Variants in CCDC30 observed in about 807,000 individuals in gnomAD.
The protein encoded by CCDC30 is coiled-coil domain-containing protein 30.
Under a neutral mutation model 100.2 loss-of-function variants are expected in CCDC30, and 70 were observed. The ratio of observed to expected loss-of-function variants is 0.70; its 90% CI spans 0.58 to 0.85. CCDC30 has a LOEUF of 0.85. CCDC30 is among the 40% of genes least tolerant of loss of function. The pLI is 0.00. For synonymous variants in CCDC30, 233 were observed against 269.5 expected (o/e 0.86, Z 1.33); for missense variants, 652 against 771.2 (o/e 0.85, Z 1.83).
At chr1:42,543,131 G>A (rs544885573) in intron 6 of CCDC30, among the ~76,000 whole-genome samples, 48 of 151,576 alleles carry the variant, frequency 3.2e-4, no homozygotes, top group Admixed American at 5.9e-4. Context: ...CTGCCACCAC[G>A]CCCAGCTAAT....
In CCDC30 at chr1:42,500,413, TTC is replaced by T. The variant is rs1234428325; in HGVS notation, c.456+1503_456+1504del. On this transcript the variant is annotated intron_variant, in intron 6 of 16. Coordinates refer to ENST00000668663, the Ensembl canonical transcript of CCDC30. ...GGTCTGCGCAGTGGCCACCACCGAGTTCTCTCTTTTTTTTTTTTGAGACAGAG... is the reference window on the plus strand; with the variant it reads ...GGTCTGCGCAGTGGCCACCACCGAGTTCTCTTTTTTTTTTTTGAGACAGAG... 6.4e-6 allele frequency: 6 copies of T among 934,162 alleles called. No individual in the cohort carries two copies. In the African/African-American group the frequency reaches 6.8e-5, roughly 11 times the overall value. 57.9% of individuals were successfully genotyped at this position (934,162 alleles called of 1,614,324 possible).
chr1:42,496,485 TG>T (rs1644234672), intron 4 of CCDC30, among the ~76,000 whole-genome samples: 1 of 151,946 alleles, frequency 6.6e-6, no homozygotes, highest in South Asian at 2.1e-4. Context: ...TATAAATGTC[TG>T]AAAATATTTA....
At chr1:42,507,853 C>T (rs1451713539) in intron 6 of CCDC30, among the ~76,000 whole-genome samples, 1 of 151,896 alleles carries the variant, frequency 6.6e-6, no homozygotes, top group Non-Finnish European at 1.5e-5. Context: ...ATTTAGATCA[C>T]CTGTTTATAT....
chr1:42,582,059 CAAAAAAAAAAA>C (rs770972866), intron 9 of CCDC30, among the ~76,000 whole-genome samples: 4 of 99,094 alleles, frequency 4.0e-5, no homozygotes, highest in South Asian at 3.5e-4. Context: ...TTGTCTATAC[CAAAAAAAAAAA>C]AAAAAAAAAA....
At chr1:42,654,323 G>A (rs1005253056), downstream of CCDC30, 1 of 278,226 alleles carries the variant, frequency 3.6e-6, no homozygotes, top group Non-Finnish European at 6.7e-6. Flanking sequence ...CCATTATCAT[G>A]GGTATCTTTT....
rs749556796 is a variant in CCDC30, at chr1:42,637,233, A to G, written c.1278-4A>G. ...TGTGTCTAAACTCAAATTTACTTTT[A>G]TAGAAACTATAATGAGAAACATCAC... On this transcript the variant is annotated splice_region_variant and splice_polypyrimidine_tract_variant and intron_variant, in intron 11 of 16. Transcript: ENST00000668663. 2 of 1,578,672 alleles carry G rather than the reference A, an allele frequency of 1.3e-6. No homozygotes were observed. The highest frequency in any genetic ancestry group is 2.8e-5 in the African/African-American group (2 of 72,208).
At chr1:42,550,050 A>G (rs1342058425) in intron 6 of CCDC30, among the ~76,000 whole-genome samples, 1 of 152,106 alleles carries the variant, frequency 6.6e-6, no homozygotes, top group Non-Finnish European at 1.5e-5. Context: ...ATCCTCCTCC[A>G]AACTATTTCT....
intron 7 of CCDC30, among the ~76,000 whole-genome samples, chr1:42,568,726 T>G (rs1160314005): frequency 1.3e-5 from 2 of 151,538 alleles, no homozygotes; most frequent in Non-Finnish European, 2.9e-5. Context: ...GCTCACGAGT[T>G]TGAGACCAGC....
In CCDC30 at chr1:42,585,348, C is replaced by A. The variant is rs576150453; in HGVS notation, c.1001+3834C>A. On this transcript the variant is annotated intron_variant, in intron 9 of 16. Transcript: ENST00000668663. ...TTCCTGCATTCAAGTGATACTCCTG[C>A]CTCAGCCTCCCAAAGTGCTGGGATT... is the stretch of plus-strand genomic sequence containing the variant. Among the ~76,000 whole-genome samples the A allele has an allele frequency of 2.6e-4, 40 of 152,238 alleles. 1 individual carries two copies. In the South Asian group the frequency reaches 8.3e-3, roughly 32 times the overall value.
chr1:42,630,525 G>A (rs1293209822), intron 11 of CCDC30, among the ~76,000 whole-genome samples: 12 of 151,780 alleles, frequency 7.9e-5, no homozygotes, highest in South Asian at 2.1e-4. Context: ...TGGAATTATA[G>A]GTGCGTGCCA....
chr1:42,598,442 G>T (rs1228825916), intron 10 of CCDC30, among the ~76,000 whole-genome samples: 1 of 151,922 alleles, frequency 6.6e-6, no homozygotes, highest in African/African-American at 2.4e-5. Flanking sequence ...ACTGGGAGTG[G>T]GTTAAGGTGG....
intron 6 of CCDC30, among the ~76,000 whole-genome samples, chr1:42,560,929 ACCAGTAACAAGC>A (rs1360686035): frequency 1.3e-5 from 2 of 152,218 alleles, no homozygotes; most frequent in African/African-American, 4.8e-5. Flanking sequence ...CCCTGAATAG[ACCAGTAACAAGC>A]TCTGAAATTG....
rs915440554 is a variant in CCDC30 at position 42,507,462 on chromosome 1, T to G, written c.456+8546T>G. 4.3e-4 allele frequency among the ~76,000 whole-genome samples: 65 copies of G among 152,254 alleles called. 1 individual carries two copies. Among genetic ancestry groups the G allele is most frequent in the Admixed American group, 2.7e-3 (41 of 15,282 alleles). Reference sequence around the variant, plus strand: ...TTTTGCCAGATTAATTTTTATAATCTTTCCATAACTTGCTTAAACCTTCAG... The same window carrying G: ...TTTTGCCAGATTAATTTTTATAATCGTTCCATAACTTGCTTAAACCTTCAG... On this transcript the variant is annotated intron_variant, in intron 6 of 16. Transcript: ENST00000668663.
chr1:42,642,061 T>C (rs1557487808), intron 12 of CCDC30, among the ~76,000 whole-genome samples: 2 of 151,800 alleles, frequency 1.3e-5, no homozygotes, highest in East Asian at 1.9e-4. Flanking sequence ...CCATCTCTAC[T>C]AAAAATACAA....
intron 3 of CCDC30, among the ~76,000 whole-genome samples, chr1:42,489,227 G>A (rs1644098540): frequency 6.6e-6 from 1 of 152,186 alleles, no homozygotes; most frequent in African/African-American, 2.4e-5. Flanking sequence ...TACTAGTTGT[G>A]TAATGTTGAG....
intron 10 of CCDC30, among the ~76,000 whole-genome samples, chr1:42,607,405 G>A (rs566013076): frequency 2.0e-5 from 3 of 152,144 alleles, no homozygotes; most frequent in Admixed American, 6.6e-5. Context: ...GACAGCAGGT[G>A]AGTTCCCAGA....
chr1:42,563,232 A>G (rs1645531839), intron 6 of CCDC30, among the ~76,000 whole-genome samples: 1 of 152,240 alleles, frequency 6.6e-6, no homozygotes, highest in African/African-American at 2.4e-5. Flanking sequence ...AGATTGGATA[A>G]AGGAAATGTG....
At chr1:42,469,517 G>T (rs923040598) in intron 1 of CCDC30, among the ~76,000 whole-genome samples, 2 of 152,188 alleles carry the variant, frequency 1.3e-5, no homozygotes, top group Non-Finnish European at 2.9e-5. Flanking sequence ...CTAAAGGAAG[G>T]TTATTTCTTG....
chr1:42,577,248 A>T lies in CCDC30; in HGVS notation c.846+19A>T, dbSNP rs1285710561. 6.7e-7 allele frequency: 1 copy of T among 1,501,762 alleles called. No individual in the cohort carries two copies. 93.0% of individuals were successfully genotyped at this position (1,501,762 alleles called of 1,614,324 possible). On this transcript the variant is annotated intron_variant, in intron 8 of 16. Coordinates refer to ENST00000668663, the Ensembl canonical transcript of CCDC30. ...GGAAAAGGTAATTATCCTCATGCTT[A>T]ATAAACAGCATACACTGAATACCAC...
Sources: gnomAD v4.1 joint callset for allele counts (sites outside exome capture counted in the v4.1 genomes callset) on GRCh38, gnomAD v4.1.1 for gene constraint, MANE v1.5 for transcripts, NCBI Gene and HGNC (gene_info 2026-07-23, HGNC 2026-07-21) for gene names.